CCDC171: variants seen among roughly 807,000 people sequenced by gnomAD.
CCDC171 encodes the protein coiled-coil domain-containing protein 171.
A neutral mutation model predicts 168.2 loss-of-function variants in CCDC171; 177 were observed. The observed-to-expected ratio is 1.05, with a 90% CI of 0.93 to 1.19. The LOEUF is 1.19. Among genes scored for constraint, CCDC171 ranks in the 50% most tolerant of loss-of-function variants. The pLI, the probability that CCDC171 is intolerant of heterozygous loss-of-function variation, is 0.00. For synonymous variants in CCDC171, 687 were observed against 540.8 expected (o/e 1.27, Z -3.75); for missense variants, 1,991 against 1,539.0 (o/e 1.29, Z -4.91).
the CCDC171 span, among the ~76,000 whole-genome samples, chr9:16,077,970 T>C: frequency 2.6e-5 from 4 of 152,054 alleles, no homozygotes; most frequent in African/African-American, 7.3e-5. Flanking sequence ...CTAATATACA[T>C]TGTGATGGTT....
chr9:15,641,825 C>T (rs1252987743), intron 7 of CCDC171, among the ~76,000 whole-genome samples: 1 of 152,122 alleles, frequency 6.6e-6, no homozygotes, highest in Non-Finnish European at 1.5e-5. Context: ...ACATGGCAGT[C>T]AGCTTATAAA....
intron 6 of CCDC171, among the ~76,000 whole-genome samples, chr9:16,026,159 C>A (rs1461482402): frequency 2.0e-5 from 3 of 152,060 alleles, no homozygotes; most frequent in Admixed American, 6.5e-5. Context: ...CCCATCTCAC[C>A]CCTCACAGAG....
chr9:15,607,712 C>T (rs370188791), intron 6 of CCDC171, among the ~76,000 whole-genome samples: 1 of 152,164 alleles, frequency 6.6e-6, no homozygotes, highest in Non-Finnish European at 1.5e-5. Context: ...ATCCACCCGC[C>T]TTGGCCTATC....
chr9:15,947,165 C>G (rs529891650), intron 25 of CCDC171, among the ~76,000 whole-genome samples: 9 of 151,902 alleles, frequency 5.9e-5, no homozygotes, highest in African/African-American at 2.2e-4. Flanking sequence ...TGTTATAAAC[C>G]CTTTCTACAT....
chr9:15,702,561 C>G (rs1472274851), intron 11 of CCDC171, among the ~76,000 whole-genome samples: 2 of 152,108 alleles, frequency 1.3e-5, no homozygotes, highest in African/African-American at 4.8e-5. Context: ...TAGCCCCTAA[C>G]AAGAGAGTCA....
chr9:15,849,026 T>G, intron 23 of CCDC171, 79 bp downstream of exon 23: 1 of 697,998 alleles, frequency 1.4e-6, no homozygotes, highest in Non-Finnish European at 2.3e-6. Context: ...CAAAGTACTT[T>G]CATTGATTTT....
Position 15,701,066 on chromosome 9 carries a change from G to A in CCDC171, c.1318+5729G>A, listed in dbSNP as rs77977409. On this transcript the variant is annotated intron_variant, in intron 11 of 25. Coordinates refer to ENST00000380701, the MANE Select transcript of CCDC171 (RefSeq NM_173550.4). The stretch of plus-strand genomic sequence containing the variant: ...AGAAATGTCTACTTATGTCCTTTGC[G>A]TGCTTTTTACTGGGATCGTTTGGGT... 4.5e-3 allele frequency among the ~76,000 whole-genome samples: 690 copies of A among 152,128 alleles called. 9 individuals carry two copies. The highest frequency in any genetic ancestry group is 0.015 in the African/African-American group (624 of 41,494).
intron 21 of CCDC171, among the ~76,000 whole-genome samples, chr9:15,789,949 G>A (rs1379376597): frequency 6.6e-6 from 1 of 152,088 alleles, no homozygotes; most frequent in Non-Finnish European, 1.5e-5. Flanking sequence ...TTTTATGGCT[G>A]CATAGTATTC....
intron 11 of CCDC171, among the ~76,000 whole-genome samples, chr9:15,697,421 A>G (rs1235478804): frequency 3.3e-5 from 5 of 152,172 alleles, no homozygotes; most frequent in African/African-American, 1.2e-4. Context: ...TATCTTGCTG[A>G]TGACCTCTTC....
chr9:15,723,604 A>G, intron 12 of CCDC171, 77 bp from the exon 13 acceptor site: 1 of 967,648 alleles, frequency 1.0e-6, no homozygotes, highest in Non-Finnish European at 1.6e-6. Context: ...TTAACTTTTG[A>G]GTTACCCATC....
At chr9:16,098,204 T>C in the CCDC171 span, among the ~76,000 whole-genome samples, 1 of 152,168 alleles carries the variant, frequency 6.6e-6, no homozygotes, top group Non-Finnish European at 1.5e-5. Flanking sequence ...TTTCCCCTAA[T>C]GCATAAAATG....
intron 23 of CCDC171, among the ~76,000 whole-genome samples, chr9:15,855,763 A>G (rs1419577931): frequency 6.6e-6 from 1 of 151,862 alleles, no homozygotes; most frequent in South Asian, 2.1e-4. Context: ...ATTCAAAACA[A>G]TCTTGTTTGA....
chr9:15,632,302 T>TG (rs2045783883), intron 7 of CCDC171, among the ~76,000 whole-genome samples: 1 of 151,812 alleles, frequency 6.6e-6, no homozygotes, highest in Non-Finnish European at 1.5e-5. Context: ...CTCCTTAAAC[T>TG]GATAAGCAAC....
chr9:15,912,469 T>A (rs1183084477), intron 24 of CCDC171, among the ~76,000 whole-genome samples: 1 of 152,198 alleles, frequency 6.6e-6, no homozygotes, highest in African/African-American at 2.4e-5. Flanking sequence ...GGGGTTTTTT[T>A]AATATACAGT....
In CCDC171 at chr9:15,778,991, G is replaced by A; in HGVS notation, c.2922G>A (p.Lys974=). ...AGAAAAGCACAGCATCGTTGCAGAA[G>A]CAAATACTTGGATTTACACAAAGAC... ...PITKSTASLQ[K]QILGFTQRLH... is the part of the protein sequence containing the mutation. The change falls in exon 20 of 26, where the codon AAG becomes AAA. Residue 974 remains lysine (K), a synonymous_variant. Coordinates refer to ENST00000380701, the MANE Select transcript of CCDC171 (RefSeq NM_173550.4). The A allele has an allele frequency of 6.5e-7, 1 of 1,539,440 alleles. No individual in the cohort carries two copies. The highest frequency in any genetic ancestry group is 8.7e-7 in the Non-Finnish European group (1 of 1,145,528).
At chr9:15,883,291 C>G (rs1476432914) in intron 24 of CCDC171, 2 of 153,576 alleles carry the variant, frequency 1.3e-5, no homozygotes, top group African/African-American at 4.8e-5. Flanking sequence ...AACTCCTGGC[C>G]TCAAGCTATC....
At chr9:15,726,308 T>G (rs1249960578) in intron 14 of CCDC171, among the ~76,000 whole-genome samples, 1 of 152,174 alleles carries the variant, frequency 6.6e-6, no homozygotes, top group Non-Finnish European at 1.5e-5. Context: ...GAGTCTCTTT[T>G]CATGCCAAAT....
chr9:15,795,405 G>A (rs1347760788), intron 21 of CCDC171, among the ~76,000 whole-genome samples: 1 of 152,014 alleles, frequency 6.6e-6, no homozygotes, highest in East Asian at 1.9e-4. Flanking sequence ...ATGAACTTTG[G>A]GAAACACATT....
intron 24 of CCDC171, chr9:15,883,083 C>T: frequency 2.5e-6 from 1 of 406,394 alleles, no homozygotes; most frequent in Admixed American, 2.8e-5. Context: ...GGTTAGAGTG[C>T]AGTGGTGTGA....
Sources: gnomAD v4.1 joint callset for allele counts (sites outside exome capture counted in the v4.1 genomes callset) on GRCh38, gnomAD v4.1.1 for gene constraint, MANE v1.5 for transcripts, NCBI Gene and HGNC (gene_info 2026-07-23, HGNC 2026-07-21) for gene names.